NR5A1: variants seen among roughly 807,000 people sequenced by gnomAD.
NR5A1 encodes nuclear receptor subfamily 5 group A member 1.
A neutral mutation model predicts 42.7 loss-of-function variants in NR5A1; 6 were observed. That is an observed-to-expected ratio of 0.14 (90% confidence interval 0.08 to 0.28). The LOEUF (loss-of-function observed/expected upper bound fraction) is 0.28. Among genes scored for constraint, NR5A1 ranks in the 10% least tolerant of loss-of-function variants. The pLI is 1.00. For missense variants in NR5A1, 442 were observed against 626.4 expected, an observed-to-expected ratio of 0.71 and a Z score of 3.14; for synonymous variants, 274 against 277.5, an observed-to-expected ratio of 0.99 and a Z score of 0.12.
Position 124,496,945 on chromosome 9 carries a change from G to A in NR5A1, c.870+3145C>T, listed in dbSNP as rs960170807. Reference sequence around the variant, plus strand: ...TGCTGCCCACCAAGCAGCAGGTACAGGTGAGTTTCTTCCACCTCACAGGGA... The same window carrying A: ...TGCTGCCCACCAAGCAGCAGGTACAAGTGAGTTTCTTCCACCTCACAGGGA... On this transcript the variant is annotated intron_variant, in intron 4 of 6. Coordinates refer to ENST00000373588, the MANE Select transcript of NR5A1 (RefSeq NM_004959.5). The surrounding 1 kb of genome is among the most constrained non-coding windows in gnomAD (Gnocchi z 5.0). 6.6e-6 allele frequency among the ~76,000 whole-genome samples: 1 copy of A among 152,240 alleles called. No individual in the cohort carries two copies. The highest frequency in any genetic ancestry group is 2.4e-5 in the African/African-American group (1 of 41,456).
intron 6 of NR5A1, among the ~76,000 whole-genome samples, chr9:124,490,029 T>G (rs1832280739): frequency 6.6e-6 from 1 of 152,050 alleles, no homozygotes; most frequent in Non-Finnish European, 1.5e-5. Context: ...CCTCGCAGAC[T>G]GTGACTATAA....
At chr9:124,492,968 A>T in intron 5 of NR5A1, 62 bp downstream of exon 5, 1 of 1,498,580 alleles carries the variant, frequency 6.7e-7, no homozygotes, top group Non-Finnish European at 8.9e-7. Context: ...GGGGCCCTGA[A>T]TCCTGGAAGT....
In NR5A1 at chr9:124,482,522, C is replaced by T. The variant is rs930127350; in HGVS notation, c.*236G>A. The stretch of plus-strand genomic sequence containing the variant: ...TTAACAGCCACCTCCTTGGGGCACT[C>T]CAAGCAGCAGGCAAGTGCCAGTGGC... On this transcript the variant is annotated 3_prime_UTR_variant, in exon 7 of 7. Transcript: ENST00000373588. 12 of 583,394 alleles carry T rather than the reference C, an allele frequency of 2.1e-5. No homozygotes were observed. In the African/African-American group the frequency reaches 2.1e-4, roughly 10 times the overall value. The allele number at this position is 583,394 out of a possible 1,614,324, so 36.1% of individuals were successfully genotyped here. A position where few individuals can be genotyped will look rare whatever the true frequency, so the allele number is the denominator to read the frequency against.
chr9:124,488,481 G>T (rs56831221), intron 6 of NR5A1, among the ~76,000 whole-genome samples: 8,710 of 152,266 alleles, frequency 0.057, 590 homozygotes, highest in African/African-American at 0.16. Context: ...TGTGCCCAAG[G>T]ATAAGGCACT....
At chr9:124,488,151 T>TTC (rs1832250864) in intron 6 of NR5A1, among the ~76,000 whole-genome samples, 1 of 150,746 alleles carries the variant, frequency 6.6e-6, no homozygotes, top group Non-Finnish European at 1.5e-5. Context: ...TGTTTTTTTT[T>TTC]CACCCAGAAT....
chr9:124,491,039 C>CCCCAGGGGGGG, intron 6 of NR5A1, 42 bp downstream of exon 6: 1 of 1,496,954 alleles, frequency 6.7e-7, no homozygotes, highest in Non-Finnish European at 9.0e-7. Flanking sequence ...ACCCACCCGC[C>CCCCAGGGGGGG]TCTGGCTGTC....
chr9:124,503,513 C>G lies in NR5A1; in HGVS notation c.-15-103G>C, dbSNP rs977915006. The G allele has an allele frequency of 6.4e-6, 6 of 936,996 alleles. No individual in the cohort carries two copies. Among genetic ancestry groups the G allele is most frequent in the Admixed American group, 6.2e-5 (2 of 32,266 alleles). 58.0% of individuals were successfully genotyped at this position (936,996 alleles called of 1,614,324 possible). On this transcript the variant is annotated intron_variant, in intron 1 of 6. Coordinates refer to ENST00000373588, the MANE Select transcript of NR5A1 (RefSeq NM_004959.5). The surrounding 1 kb of genome is among the most constrained non-coding windows in gnomAD (Gnocchi z 9.6). ...TGTCGCCGGCCCGTCGCGTAATCCC[C>G]TCTCTGTGCCCAGGCGCTGCCGCCG...
At chr9:124,488,705 C>T (rs1486179313) in intron 6 of NR5A1, among the ~76,000 whole-genome samples, 1 of 152,252 alleles carries the variant, frequency 6.6e-6, no homozygotes, top group Non-Finnish European at 1.5e-5. Flanking sequence ...AGGAGGGTCA[C>T]TCTACAGATG....
rs1431673405 is a variant in NR5A1 at position 124,500,095 on chromosome 9, G to A, written c.865C>T (p.Leu289=). The part of the protein sequence containing the change: ...WARRCMVFKE[L]EVADQMTLLQ... ...GGGCGGGAGGAGAGACTCACCTCCA[G>A]CTCCTTGAAGACCATGCACCTGCGT... is the stretch of plus-strand genomic sequence containing the variant. The change falls in exon 4 of 7, where the codon CTG becomes TTG. Residue 289 remains leucine, a synonymous_variant. Transcript: ENST00000373588. The surrounding 1 kb of genome is among the most constrained non-coding windows in gnomAD (Gnocchi z 6.9). 1.2e-5 allele frequency: 19 copies of A among 1,613,014 alleles called. No individual in the cohort carries two copies. Among genetic ancestry groups the A allele is most frequent in the Non-Finnish European group, 1.6e-5 (19 of 1,180,046 alleles).
chr9:124,500,509 C>T lies in NR5A1; in HGVS notation c.451G>A (p.Gly151Ser), dbSNP rs1181638409. The part of the protein sequence containing the change: ...PPSLHGPEPK[G>S]LAAGPPAGPL... Reference sequence around the variant, plus strand: ...CCAGCAGGTGGACCGGCGGCCAGGCCCTTGGGCTCAGGCCCATGCAGGCTG... The same window carrying T: ...CCAGCAGGTGGACCGGCGGCCAGGCTCTTGGGCTCAGGCCCATGCAGGCTG... Residue 151 changes from glycine (G) to serine (S), a missense_variant, in exon 4 of 7, where the codon GGC becomes AGC. Transcript: ENST00000373588. This position sits in a 1 kb window ranked among gnomAD's most constrained non-coding sequence, Gnocchi z 6.9. 1 of 1,606,116 alleles carries T rather than the reference C, an allele frequency of 6.2e-7. No individual in the cohort carries two copies. Among genetic ancestry groups the T allele is most frequent in the Non-Finnish European group, 8.5e-7 (1 of 1,178,408 alleles).
At chr9:124,483,899 G>C (rs911947274) in intron 6 of NR5A1, among the ~76,000 whole-genome samples, 4 of 152,194 alleles carry the variant, frequency 2.6e-5, no homozygotes, top group African/African-American at 9.7e-5. Flanking sequence ...ATGGGGCCAT[G>C]GGGGAGCATG....
At chr9:124,485,009 T>A (rs1283606726) in intron 6 of NR5A1, among the ~76,000 whole-genome samples, 1 of 152,122 alleles carries the variant, frequency 6.6e-6, no homozygotes, top group African/African-American at 2.4e-5. Flanking sequence ...TGGATTCGAA[T>A]CCCAGCCGCT....
chr9:124,505,511 G>C (rs898597039), intron 1 of NR5A1, among the ~76,000 whole-genome samples: 3 of 152,214 alleles, frequency 2.0e-5, no homozygotes, highest in Admixed American at 6.5e-5. Flanking sequence ...CCTCGCTAAG[G>C]GTGGGTCGTG....
chr9:124,491,771 G>A (rs1351428421), intron 5 of NR5A1, among the ~76,000 whole-genome samples: 3 of 152,092 alleles, frequency 2.0e-5, no homozygotes, highest in Non-Finnish European at 2.9e-5. Flanking sequence ...GCCCTTGTAC[G>A]CTCACACTCA....
At chr9:124,493,808 T>C (rs1179290118) in intron 4 of NR5A1, among the ~76,000 whole-genome samples, 1 of 152,192 alleles carries the variant, frequency 6.6e-6, no homozygotes, top group East Asian at 1.9e-4. Context: ...TGATTCCGAA[T>C]GCCCAGGCTG....
chr9:124,488,040 T>G (rs1832247667), intron 6 of NR5A1, among the ~76,000 whole-genome samples: 1 of 150,832 alleles, frequency 6.6e-6, no homozygotes. Context: ...GCCAGCCTAC[T>G]CCCCACCCCG....
intron 6 of NR5A1, among the ~76,000 whole-genome samples, chr9:124,489,902 G>T (rs939771886): frequency 6.6e-6 from 1 of 151,972 alleles, no homozygotes; most frequent in African/African-American, 2.4e-5. Context: ...CCAGCCACAT[G>T]GCATGGAGGA....
Position 124,503,610 on chromosome 9 carries a change from C to A in NR5A1, c.-15-200G>T, listed in dbSNP as rs1026492329. Among the ~76,000 whole-genome samples, 1 of 152,120 alleles carries A rather than the reference C, an allele frequency of 6.6e-6. No homozygotes were observed. The highest frequency in any genetic ancestry group is 2.4e-5 in the African/African-American group (1 of 41,440). On this transcript the variant is annotated intron_variant, in intron 1 of 6. Coordinates refer to ENST00000373588, the MANE Select transcript of NR5A1 (RefSeq NM_004959.5). This position sits in a 1 kb window ranked among gnomAD's most constrained non-coding sequence, Gnocchi z 9.6. ...AGTCCCCGCGCCCGGCCTTCCCCTG[C>A]CAGGCCCCACGCTCCCGCCCCGTCC...
chr9:124,493,624 C>T (rs1464049145), intron 4 of NR5A1, among the ~76,000 whole-genome samples: 2 of 152,232 alleles, frequency 1.3e-5, no homozygotes, highest in African/African-American at 4.8e-5. Context: ...GCCCCAACTG[C>T]TCAAACAGGA....
Sources: gnomAD v4.1 joint callset for allele counts (sites outside exome capture counted in the v4.1 genomes callset) on GRCh38, gnomAD v4.1.1 for gene constraint, Gnocchi (gnomAD v3.1) non-coding constraint, MANE v1.5 for transcripts, NCBI Gene and HGNC (gene_info 2026-07-23, HGNC 2026-07-21) for gene names.